The following LIN7A variants were observed in gnomAD, a reference collection of about 807,000 sequenced individuals.
LIN7A encodes the protein protein lin-7 homolog A.
Under a neutral mutation model 29.8 loss-of-function variants are expected in LIN7A, and 25 were observed. The ratio of observed to expected loss-of-function variants is 0.84; its 90% CI spans 0.61 to 1.17. The LOEUF (loss-of-function observed/expected upper bound fraction) is 1.17. Among genes scored for constraint, LIN7A ranks in the 50% most tolerant of loss-of-function variants. The pLI is 0.00. For missense variants in LIN7A, 239 were observed against 287.0 expected (o/e 0.83, Z 1.21); for synonymous variants, 118 against 107.5 (o/e 1.10, Z -0.60).
At chr12:80,931,678 T>C (rs1367007743) in intron 1 of LIN7A, among the ~76,000 whole-genome samples, 1 of 151,788 alleles carries the variant, frequency 6.6e-6, no homozygotes, top group Non-Finnish European at 1.5e-5. Flanking sequence ...CTGGAGTGTT[T>C]TGTAACTATA....
chr12:80,822,686 G>A (rs1477038661), intron 4 of LIN7A, among the ~76,000 whole-genome samples: 1 of 151,908 alleles, frequency 6.6e-6, no homozygotes, highest in Non-Finnish European at 1.5e-5. Context: ...ATTTGGGTGG[G>A]GACACAGTCA....
chr12:80,845,940 C>CT lies in LIN7A; in HGVS notation c.274-2dup. 6.5e-7 allele frequency: 1 copy of CT among 1,527,838 alleles called. No homozygotes were observed. The highest frequency in any genetic ancestry group is 8.7e-7 in the Non-Finnish European group (1 of 1,143,576). The allele number at this position is 1,527,838 out of a possible 1,614,324, so 94.6% of individuals were successfully genotyped here. A position where few individuals can be genotyped will look rare whatever the true frequency, so the allele number is the denominator to read the frequency against. On this transcript the variant is annotated splice_acceptor_variant, in intron 3 of 5. Transcript: ENST00000552864. LOFTEE classifies it high-confidence loss of function. ...TAGCTGCAAAAGCTGCAACTGTTGC[C>CT]TGAAAAAAAAAAAAAAAGATGGTCT...
At chr12:80,877,632 AG>A (rs1437256006) in intron 2 of LIN7A, among the ~76,000 whole-genome samples, 5 of 152,174 alleles carry the variant, frequency 3.3e-5, no homozygotes, top group Non-Finnish European at 7.4e-5. Context: ...AGAGGGAAGA[AG>A]AAAGGAAGAG....
chr12:80,913,524 G>C (rs1876873204), intron 1 of LIN7A, among the ~76,000 whole-genome samples: 3 of 152,176 alleles, frequency 2.0e-5, no homozygotes, highest in Admixed American at 2.0e-4. Flanking sequence ...TGTTCGCAAT[G>C]AATTATGAGG....
intron 2 of LIN7A, among the ~76,000 whole-genome samples, chr12:80,868,330 AG>A (rs1874245462): frequency 6.6e-6 from 1 of 152,208 alleles, no homozygotes; most frequent in Admixed American, 6.5e-5. Context: ...GCACTTTGGG[AG>A]GCCAAGGCGG....
chr12:80,855,857 T>C (rs1334735036), intron 2 of LIN7A, among the ~76,000 whole-genome samples: 1 of 152,160 alleles, frequency 6.6e-6, no homozygotes, highest in East Asian at 1.9e-4. Flanking sequence ...ATTCATCTAC[T>C]AAGGAAGAGA....
intron 1 of LIN7A, among the ~76,000 whole-genome samples, chr12:80,894,146 A>C (rs1374465611): frequency 6.6e-6 from 1 of 152,196 alleles, no homozygotes; most frequent in Non-Finnish European, 1.5e-5. Flanking sequence ...CATTGGAATA[A>C]AGTGTGTGTA....
chr12:80,800,925 T>C (rs1348085460), intron 5 of LIN7A, among the ~76,000 whole-genome samples: 3 of 152,148 alleles, frequency 2.0e-5, no homozygotes, highest in South Asian at 2.1e-4. Flanking sequence ...TCAGAAGAGA[T>C]TGATTATTGT....
intron 1 of LIN7A, among the ~76,000 whole-genome samples, chr12:80,891,582 A>G (rs1002642452): frequency 6.6e-6 from 1 of 152,278 alleles, no homozygotes; most frequent in African/African-American, 2.4e-5. Flanking sequence ...GGTGAAGGAG[A>G]TAGCCCCTTT....
At chr12:80,911,638 C>T (rs1390509688) in intron 1 of LIN7A, among the ~76,000 whole-genome samples, 4 of 152,060 alleles carry the variant, frequency 2.6e-5, no homozygotes, top group Non-Finnish European at 5.9e-5. Context: ...TCATTAGGAT[C>T]TAATTGACTC....
At chr12:80,900,891 T>A (rs961005384) in intron 1 of LIN7A, among the ~76,000 whole-genome samples, 1 of 152,212 alleles carries the variant, frequency 6.6e-6, no homozygotes, top group Non-Finnish European at 1.5e-5. Flanking sequence ...GGACTCCATC[T>A]TTTTATAATG....
chr12:80,803,640 AT>A lies in LIN7A; in HGVS notation c.*1-5915del, dbSNP rs368952365. ...TTTGTGGTTCCATGCAAATTTTGGG[AT>A]TTTTTTTTCCTACTTCTGTGAAAAA... On this transcript the variant is annotated intron_variant, in intron 5 of 5. Transcript: ENST00000552864. 3.0e-3 allele frequency among the ~76,000 whole-genome samples: 447 copies of A among 151,414 alleles called. 5 individuals carry two copies. Among genetic ancestry groups the A allele is most frequent in the African/African-American group, 0.01 (426 of 41,264 alleles).
rs1873358048 is a variant in LIN7A at position 80,852,001 on chromosome 12, C to T, written c.202-3679G>A. Among the ~76,000 whole-genome samples the T allele has an allele frequency of 2.6e-5, 4 of 152,236 alleles. No homozygotes were observed. In the South Asian group the frequency reaches 8.3e-4, roughly 32 times the overall value. ...AGTTGGTTCAGAAAGTTCATTTATT[C>T]ATTTGTTCAGCTAACATTTAGGAGC... On this transcript the variant is annotated intron_variant, in intron 2 of 5. Transcript: ENST00000552864.
chr12:80,935,618 A>G (rs1878167922), intron 1 of LIN7A: 1 of 202,674 alleles, frequency 4.9e-6, no homozygotes, highest in Non-Finnish European at 1.1e-5. Context: ...GTAATTAATC[A>G]TATTTGAATA....
chr12:80,820,659 C>CACACACACACACACA (rs1555222258), intron 4 of LIN7A, among the ~76,000 whole-genome samples: 30 of 95,982 alleles, frequency 3.1e-4, no homozygotes, highest in Non-Finnish European at 6.8e-4. Context: ...ACACACACAC[C>CACACACACACACACA]CATCTTCAGG....
At chr12:80,902,454 C>T (rs902415356) in intron 1 of LIN7A, among the ~76,000 whole-genome samples, 1 of 95,654 alleles carries the variant, frequency 1.0e-5, no homozygotes, top group Non-Finnish European at 3.0e-5. Context: ...TTGCTTTGGA[C>T]ACTATGGCTA....
chr12:80,861,728 T>G (rs1460245608), intron 2 of LIN7A, among the ~76,000 whole-genome samples: 1 of 152,164 alleles, frequency 6.6e-6, no homozygotes, highest in Non-Finnish European at 1.5e-5. Flanking sequence ...CTGCAGACAA[T>G]CTCACATTTC....
At chr12:80,935,790 A>G (rs779983588) in intron 1 of LIN7A, 19 of 510,334 alleles carry the variant, frequency 3.7e-5, no homozygotes, top group Middle Eastern at 3.3e-4. Context: ...GCATGTACGT[A>G]ATTACACTCA....
intron 1 of LIN7A, among the ~76,000 whole-genome samples, chr12:80,912,713 CAAAAA>C (rs5799498): frequency 0.016 from 2,204 of 135,328 alleles, 28 homozygotes; most frequent in Admixed American, 0.029. Context: ...AGACTTGTCT[CAAAAA>C]AAAAAAAAAA....
Sources: gnomAD v4.1 joint callset for allele counts (sites outside exome capture counted in the v4.1 genomes callset) on GRCh38, gnomAD v4.1.1 for gene constraint, MANE v1.5 for transcripts, NCBI Gene and HGNC (gene_info 2026-07-23, HGNC 2026-07-21) for gene names.